Variants in RBM47 observed in about 807,000 individuals in gnomAD.
The protein encoded by RBM47 is RNA-binding protein 47.
In RBM47, 21 loss-of-function variants were observed where a neutral mutation model predicts 47.1. The ratio of observed to expected loss-of-function variants is 0.45; its 90% confidence interval spans 0.32 to 0.64. RBM47 has a LOEUF of 0.64. RBM47 is among the 30% of genes least tolerant of loss of function. The probability of loss-of-function intolerance (pLI) is 0.05; values close to 1 mark genes in which losing one functional copy is unlikely to be tolerated. For missense variants in RBM47, 708 were observed against 870.9 expected, an observed-to-expected ratio of 0.81 and a Z score of 2.35; for synonymous variants, 375 against 361.7, an observed-to-expected ratio of 1.04 and a Z score of -0.42.
chr4:40,617,569 T>A (rs768713006), intron 1 of RBM47, among the ~76,000 whole-genome samples: 3 of 151,938 alleles, frequency 2.0e-5, no homozygotes, highest in African/African-American at 4.8e-5. Context: ...AAATAATAAA[T>A]AAATATGGCA....
chr4:40,457,432 A>AC (rs1553882758), intron 3 of RBM47, among the ~76,000 whole-genome samples: 3 of 151,848 alleles, frequency 2.0e-5, no homozygotes, highest in South Asian at 2.1e-4. Flanking sequence ...CAAAAAAAAA[A>AC]AAAAAACAAA....
intron 6 of RBM47, chr4:40,427,077 A>G (rs1163946350): frequency 6.6e-6 from 1 of 152,230 alleles, no homozygotes; most frequent in Non-Finnish European, 1.5e-5. Context: ...GTGTCAACTT[A>G]GAGAAACCAA....
chr4:40,581,434 T>TAATTA (rs1553904672), intron 1 of RBM47, among the ~76,000 whole-genome samples: 1 of 138,988 alleles, frequency 7.2e-6, no homozygotes, highest in Admixed American at 7.2e-5. Flanking sequence ...AAAAAAGTAA[T>TAATTA]AATAAATAAA....
intron 2 of RBM47, among the ~76,000 whole-genome samples, chr4:40,470,416 G>C (rs906931015): frequency 2.0e-5 from 3 of 152,082 alleles, no homozygotes; most frequent in African/African-American, 7.2e-5. Context: ...CAACACATGG[G>C]GGGACTTGAG....
rs1337838720 is a variant in RBM47, at chr4:40,423,308, A to G, written c.*2596T>C. 2.6e-5 allele frequency: 4 copies of G among 152,366 alleles called. No individual in the cohort carries two copies. The South Asian group carries it at 6.2e-4, about 24-fold the overall frequency. The allele number at this position is 152,366 out of a possible 1,614,324, so 9.4% of individuals were successfully genotyped here. On this transcript the variant is annotated 3_prime_UTR_variant, in exon 7 of 7. Coordinates refer to ENST00000295971, the MANE Select transcript of RBM47 (RefSeq NM_001098634.2). Reference sequence around the variant, plus strand: ...CTTTAAAGAAAGCTTTATTTACTACATACATCCTAAGAATGTACTGTAAAT... The same window carrying G: ...CTTTAAAGAAAGCTTTATTTACTACGTACATCCTAAGAATGTACTGTAAAT...
At chr4:40,501,410 T>C (rs1162957580) in intron 2 of RBM47, among the ~76,000 whole-genome samples, 1 of 152,202 alleles carries the variant, frequency 6.6e-6, no homozygotes, top group Non-Finnish European at 1.5e-5. Flanking sequence ...ACACAGCCCA[T>C]ACTTCACATA....
chr4:40,463,494 G>T (rs1560387519), intron 3 of RBM47, among the ~76,000 whole-genome samples: 1 of 152,108 alleles, frequency 6.6e-6, no homozygotes, highest in Admixed American at 6.6e-5. Context: ...ATAATAAACA[G>T]AAGTACCACA....
rs1452116260 is a variant in RBM47 at position 40,519,664 on chromosome 4, T to C, written c.-155+24758A>G. On this transcript the variant is annotated intron_variant, in intron 2 of 6. Coordinates refer to ENST00000295971, the MANE Select transcript of RBM47 (RefSeq NM_001098634.2). The stretch of plus-strand genomic sequence containing the variant: ...CTTCCCTCTACCCTACCCTCCTTTT[T>C]TTTTTTTTTTTTTTTTTTTTTTGAG... Among the ~76,000 whole-genome samples the C allele has an allele frequency of 7.3e-5, 4 of 54,744 alleles. No individual in the cohort carries two copies. In the East Asian group the frequency reaches 1.5e-3, roughly 21 times the overall value. 35.9% of individuals were successfully genotyped at this position (54,744 alleles called of 152,430 possible).
intron 3 of RBM47, among the ~76,000 whole-genome samples, chr4:40,462,707 T>C (rs1304618806): frequency 6.6e-6 from 1 of 151,288 alleles, no homozygotes; most frequent in African/African-American, 2.4e-5. Flanking sequence ...TTTTCTTAAC[T>C]GCTTGATACA....
intron 2 of RBM47, among the ~76,000 whole-genome samples, chr4:40,541,263 CA>C (rs113154815): frequency 0.25 from 27,523 of 110,476 alleles, 2,841 homozygotes; most frequent in African/African-American, 0.32. Context: ...AAGATTCTCT[CA>C]AAAAAAAAAA....
intron 3 of RBM47, among the ~76,000 whole-genome samples, chr4:40,444,260 T>C (rs191815113): frequency 6.6e-6 from 1 of 152,310 alleles, no homozygotes; most frequent in East Asian, 1.9e-4. Context: ...AAAAGACAAC[T>C]GTACAGCTAA....
At chr4:40,534,951 A>G (rs1238775240) in intron 2 of RBM47, among the ~76,000 whole-genome samples, 2 of 151,896 alleles carry the variant, frequency 1.3e-5, no homozygotes, top group Non-Finnish European at 2.9e-5. Flanking sequence ...AAAAAAAAAA[A>G]AAAATGCAAA....
chr4:40,448,402 G>A (rs139710327), intron 3 of RBM47, among the ~76,000 whole-genome samples: 325 of 152,142 alleles, frequency 2.1e-3, no homozygotes, highest in African/African-American at 7.1e-3. Context: ...TATACAGTGG[G>A]GTACAGTGTC....
chr4:40,502,102 T>A (rs1192720267), intron 2 of RBM47: 1 of 154,248 alleles, frequency 6.5e-6, no homozygotes, highest in African/African-American at 2.4e-5. Flanking sequence ...GTCTAGAACC[T>A]CCATACAAGC....
intron 1 of RBM47, among the ~76,000 whole-genome samples, chr4:40,553,657 C>T (rs6858162): frequency 0.15 from 22,348 of 152,046 alleles, 3,330 homozygotes; most frequent in African/African-American, 0.39. Context: ...ATGTGAGCTC[C>T]ATGATAAGGG....
At chr4:40,593,527 G>A (rs1243661821) in intron 1 of RBM47, among the ~76,000 whole-genome samples, 2 of 152,010 alleles carry the variant, frequency 1.3e-5, no homozygotes, top group East Asian at 3.9e-4. Context: ...CCTGAGGTCG[G>A]AAGTTAAAGA....
Position 40,490,707 on chromosome 4 carries a change from C to T in RBM47, c.-154-24008G>A, listed in dbSNP as rs139720426. Among the ~76,000 whole-genome samples, 748 of 151,262 alleles carry T rather than the reference C, an allele frequency of 4.9e-3. 11 individuals are homozygous for T. The highest frequency in any genetic ancestry group is 0.017 in the African/African-American group (704 of 41,186). ...CGGAGGTTGCAGTGAGGAGAGATCG[C>T]GCCACTGCACTCCAGCCTGACAAGT... On this transcript the variant is annotated intron_variant, in intron 2 of 6. Transcript: ENST00000295971.
At chr4:40,476,133 T>C (rs990202942) in intron 2 of RBM47, among the ~76,000 whole-genome samples, 5 of 152,178 alleles carry the variant, frequency 3.3e-5, no homozygotes, top group African/African-American at 1.2e-4. Flanking sequence ...TTTGTACAGC[T>C]ACATGCAGAG....
intron 2 of RBM47, among the ~76,000 whole-genome samples, chr4:40,478,471 C>G (rs535966794): frequency 1.3e-5 from 2 of 152,000 alleles, no homozygotes; most frequent in Admixed American, 6.6e-5. Flanking sequence ...AAAGTACAGA[C>G]GCAAAACAGA....
Sources: allele counts gnomAD v4.1 joint callset (sites outside exome capture counted in the v4.1 genomes callset), GRCh38; gene constraint gnomAD v4.1.1; transcripts MANE v1.5; gene names NCBI Gene and HGNC (gene_info 2026-07-23, HGNC 2026-07-21).